The following FAF2 variants were observed in gnomAD, a reference collection of about 807,000 sequenced individuals.
FAF2 encodes Fas associated factor family member 2.
Under a neutral mutation model 62.3 loss-of-function variants are expected in FAF2, and 9 were observed. That is an observed-to-expected ratio of 0.14 (90% CI 0.09 to 0.25). The LOEUF is 0.25. FAF2 is among the 10% of genes least tolerant of loss of function. The probability of loss-of-function intolerance (pLI) is 1.00; values close to 1 mark genes in which losing one functional copy is unlikely to be tolerated. For missense variants in FAF2, 368 were observed against 556.2 expected (o/e 0.66, Z 3.40); for synonymous variants, 202 against 198.0 (o/e 1.02, Z -0.17).
intron 1 of FAF2, among the ~76,000 whole-genome samples, chr5:176,454,049 A>T (rs1758233909): frequency 7.2e-6 from 1 of 138,286 alleles, no homozygotes; most frequent in African/African-American, 2.6e-5. Context: ...GCGAGACTCT[A>T]AAAAAAAAAA....
intron 10 of FAF2, 69 bp from the exon 11 acceptor site, chr5:176,506,698 CG>C: frequency 1.6e-4 from 28 of 175,270 alleles, no homozygotes; most frequent in Non-Finnish European, 2.3e-4. Context: ...GTTGTGTGTG[CG>C]TGTGTGCGTG....
chr5:176,500,210 C>G, intron 10 of FAF2, 64 bp downstream of exon 10: 1 of 1,516,762 alleles, frequency 6.6e-7, no homozygotes, highest in Non-Finnish European at 9.1e-7. Flanking sequence ...GGAGCTTTTA[C>G]TGACTCTTGA....
chr5:176,479,122 G>A lies in FAF2; in HGVS notation c.64-66G>A, dbSNP rs1454042950. On this transcript the variant is annotated intron_variant, in intron 1 of 10. Transcript: ENST00000261942. ...GTGTATTTTCCTAGCAGTATATGGC[G>A]TAAAAATACTCACACGTATACTGTT... 14 of 1,289,292 alleles carry A rather than the reference G, an allele frequency of 1.1e-5. No individual in the cohort carries two copies. The East Asian group carries it at 1.8e-4, about 17-fold the overall frequency. The allele number at this position is 1,289,292 out of a possible 1,614,324, so 79.9% of individuals were successfully genotyped here.
At chr5:176,457,464 T>A (rs1332681596) in intron 1 of FAF2, among the ~76,000 whole-genome samples, 1 of 152,210 alleles carries the variant, frequency 6.6e-6, no homozygotes, top group African/African-American at 2.4e-5. Flanking sequence ...GTGCTGTGAT[T>A]ACAGGCGTGA....
chr5:176,481,384 G>A (rs910758405), intron 2 of FAF2, among the ~76,000 whole-genome samples: 24 of 152,022 alleles, frequency 1.6e-4, no homozygotes, highest in Non-Finnish European at 2.2e-4. Context: ...TGGGCCGGGC[G>A]CGGTGGCTCA....
At chr5:176,474,593 G>T (rs113281999) in intron 1 of FAF2, among the ~76,000 whole-genome samples, 2 of 152,154 alleles carry the variant, frequency 1.3e-5, no homozygotes, top group African/African-American at 4.8e-5. Flanking sequence ...CTGCTGTAAA[G>T]GTCTGTGGGT....
chr5:176,483,209 A>G (rs913340540), intron 2 of FAF2, among the ~76,000 whole-genome samples: 35 of 152,190 alleles, frequency 2.3e-4, no homozygotes, highest in Non-Finnish European at 4.9e-4. Flanking sequence ...GGTACATGCT[A>G]TCTTGCCGCA....
intron 2 of FAF2, among the ~76,000 whole-genome samples, chr5:176,484,068 G>A (rs1262210115): frequency 9.9e-5 from 15 of 151,316 alleles, no homozygotes; most frequent in African/African-American, 3.2e-4. Flanking sequence ...GCTAGACTCC[G>A]TCTCAAAAAA....
At chr5:176,468,949 T>C (rs1017956072) in intron 1 of FAF2, among the ~76,000 whole-genome samples, 6 of 151,408 alleles carry the variant, frequency 4.0e-5, no homozygotes, top group Admixed American at 3.3e-4. Flanking sequence ...CTGTAAAAAA[T>C]ATAAAAAATT....
chr5:176,450,584 G>A (rs1581464979), intron 1 of FAF2, among the ~76,000 whole-genome samples: 1 of 147,416 alleles, frequency 6.8e-6, no homozygotes, highest in African/African-American at 2.5e-5. Flanking sequence ...ACGGAGTTTC[G>A]CTCTTGTTGC....
rs1755700844 is a variant in FAF2 at position 176,507,240 on chromosome 5, ACT to A, written c.*293_*294del. 4.4e-6 allele frequency: 2 copies of A among 452,498 alleles called. No homozygotes were observed. Among genetic ancestry groups the A allele is most frequent in the Middle Eastern group, 3.2e-4 (1 of 3,100 alleles). The allele number at this position is 452,498 out of a possible 1,614,324, so 28.0% of individuals were successfully genotyped here. On this transcript the variant is annotated 3_prime_UTR_variant, in exon 11 of 11. Coordinates refer to ENST00000261942, the MANE Select transcript of FAF2 (RefSeq NM_014613.3). ...TGCACGCACCTTCCAGTGAACAGAG[ACT>A]CTTCACCTTCGACCCATCCATTGTC...
intron 1 of FAF2, among the ~76,000 whole-genome samples, chr5:176,451,275 G>T (rs981948249): frequency 3.9e-5 from 6 of 152,172 alleles, no homozygotes; most frequent in Non-Finnish European, 1.5e-5. Flanking sequence ...GGGGGCTGAG[G>T]CAGGAGGCTC....
intron 4 of FAF2, among the ~76,000 whole-genome samples, chr5:176,491,062 T>C (rs1431637378): frequency 6.6e-6 from 1 of 152,206 alleles, no homozygotes; most frequent in Non-Finnish European, 1.5e-5. Context: ...GGGAATTTGT[T>C]GGGATAATGA....
intron 2 of FAF2, among the ~76,000 whole-genome samples, chr5:176,480,513 A>G (rs1758769636): frequency 6.6e-6 from 1 of 152,102 alleles, no homozygotes; most frequent in Non-Finnish European, 1.5e-5. Flanking sequence ...TCTGGGCTCA[A>G]GCAATTTTCC....
At chr5:176,477,244 CTT>C (rs61443027) in intron 1 of FAF2, among the ~76,000 whole-genome samples, 8,374 of 78,336 alleles carry the variant, frequency 0.11, 575 homozygotes, top group East Asian at 0.27. Flanking sequence ...CGTGCCCGGC[CTT>C]TTTTTTTTTT....
chr5:176,467,934 G>A (rs1758500237), intron 1 of FAF2, among the ~76,000 whole-genome samples: 1 of 152,124 alleles, frequency 6.6e-6, no homozygotes, highest in African/African-American at 2.4e-5. Flanking sequence ...GGAGGCTGAG[G>A]GTGGCAGATC....
intron 1 of FAF2, among the ~76,000 whole-genome samples, chr5:176,458,838 C>T (rs902294808): frequency 2.0e-5 from 3 of 152,062 alleles, no homozygotes; most frequent in Admixed American, 2.0e-4. Context: ...TCCAGTGATA[C>T]TTTTTAATTT....
At chr5:176,476,924 C>A (rs1459863744) in intron 1 of FAF2, among the ~76,000 whole-genome samples, 1 of 151,158 alleles carries the variant, frequency 6.6e-6, no homozygotes, top group Admixed American at 6.6e-5. Flanking sequence ...ATTCTCCTGC[C>A]TCAGCCTCCT....
At chr5:176,473,827 C>T (rs995478346) in intron 1 of FAF2, among the ~76,000 whole-genome samples, 9 of 152,146 alleles carry the variant, frequency 5.9e-5, no homozygotes, top group Non-Finnish European at 1.2e-4. Context: ...TAGTATTGAA[C>T]TCCTGGCCTC....
Sources: allele counts gnomAD v4.1 joint callset (sites outside exome capture counted in the v4.1 genomes callset), GRCh38; gene constraint gnomAD v4.1.1; transcripts MANE v1.5; gene names NCBI Gene and HGNC (gene_info 2026-07-23, HGNC 2026-07-21).